The following NRXN3 variants were observed in gnomAD, a reference collection of about 807,000 sequenced individuals.
NRXN3 encodes the protein neurexin 3, also known as neurexin III.
NRXN3 carries 32 observed loss-of-function variants against 137.6 expected under a neutral mutation model. The observed-to-expected ratio is 0.23, with a 90% confidence interval of 0.18 to 0.31. The LOEUF (loss-of-function observed/expected upper bound fraction) is 0.31. Among genes scored for constraint, NRXN3 ranks in the 10% least tolerant of loss-of-function variants. NRXN3 has a pLI of 1.00. For synonymous variants in NRXN3, 798 were observed against 784.5 expected, an observed-to-expected ratio of 1.02 and a Z score of -0.29; for missense variants, 1,574 against 2,062.5, an observed-to-expected ratio of 0.76 and a Z score of 4.59.
At chr14:79,323,970 A>T (rs1394025976) in intron 15 of NRXN3, among the ~76,000 whole-genome samples, 1 of 152,250 alleles carries the variant, frequency 6.6e-6, no homozygotes, top group African/African-American at 2.4e-5. Flanking sequence ...TCAACAGTAA[A>T]TACCTATATT....
At chr14:79,686,920 A>C (rs1017362232) in intron 17 of NRXN3, among the ~76,000 whole-genome samples, 10 of 152,176 alleles carry the variant, frequency 6.6e-5, no homozygotes, top group Non-Finnish European at 1.5e-4. Flanking sequence ...GGTGATTTGC[A>C]CTTCTTTCCA....
At chr14:79,101,487 T>G (rs1220414112) in intron 15 of NRXN3, among the ~76,000 whole-genome samples, 2 of 152,156 alleles carry the variant, frequency 1.3e-5, no homozygotes, top group African/African-American at 4.8e-5. Flanking sequence ...TGGAGACATA[T>G]TTTCTGTGGG....
intron 16 of NRXN3, among the ~76,000 whole-genome samples, chr14:79,505,215 CA>C (rs111560292): frequency 0.04 from 3,747 of 93,112 alleles, 167 homozygotes; most frequent in East Asian, 0.25. Flanking sequence ...AACTCCATCT[CA>C]AAAAAAAAAA....
chr14:78,821,985 T>A (rs1261526059), intron 10 of NRXN3, among the ~76,000 whole-genome samples: 1 of 152,170 alleles, frequency 6.6e-6, no homozygotes, highest in Non-Finnish European at 1.5e-5. Flanking sequence ...TGACTTTGTT[T>A]ATCCATCCTC....
At chr14:79,103,468 GT>G (rs1163939834) in intron 15 of NRXN3, among the ~76,000 whole-genome samples, 2 of 152,002 alleles carry the variant, frequency 1.3e-5, no homozygotes, top group Non-Finnish European at 2.9e-5. Flanking sequence ...TAATGAGTTC[GT>G]TTTTAGCTTC....
chr14:78,191,758 C>A (rs1006491020), intron 1 of NRXN3, among the ~76,000 whole-genome samples: 6 of 152,188 alleles, frequency 3.9e-5, no homozygotes, highest in African/African-American at 1.4e-4. Flanking sequence ...GGGAACCAAG[C>A]AGACCCCTAG....
Position 78,726,975 on chromosome 14 carries a change from A to AC in NRXN3, c.2044+11836_2044+11837insC, listed in dbSNP as rs1350384465. Among the ~76,000 whole-genome samples, 244 of 152,010 alleles carry AC rather than the reference A, an allele frequency of 1.6e-3. 1 individual carries two copies. Among genetic ancestry groups the AC allele is most frequent in the African/African-American group, 5.5e-3 (230 of 41,526 alleles). ...TTTATTCACTAAAAAAAAAAAAAAA[A>AC]AAACCTTCACTAGGTGCTTATCATG... On this transcript the variant is annotated intron_variant, in intron 8 of 20. Coordinates refer to ENST00000335750, the MANE Select transcript of NRXN3 (RefSeq NM_001330195.2).
At chr14:78,514,287 G>A (rs1381299320) in intron 4 of NRXN3, among the ~76,000 whole-genome samples, 1 of 152,102 alleles carries the variant, frequency 6.6e-6, no homozygotes, top group Non-Finnish European at 1.5e-5. Context: ...GAAAGAAAAA[G>A]ACACTTTGGG....
At chr14:78,836,352 AG>A (rs1278932861) in intron 10 of NRXN3, among the ~76,000 whole-genome samples, 1 of 152,232 alleles carries the variant, frequency 6.6e-6, no homozygotes, top group East Asian at 1.9e-4. Flanking sequence ...GTTATTCAAA[AG>A]GTTTTCACCT....
intron 10 of NRXN3, among the ~76,000 whole-genome samples, chr14:78,900,138 T>C (rs887338389): frequency 2.0e-5 from 3 of 152,028 alleles, no homozygotes; most frequent in African/African-American, 7.2e-5. Context: ...CCCATTTCCA[T>C]TTTTAGTTCT....
chr14:78,246,153 G>T (rs1234558957), intron 2 of NRXN3, among the ~76,000 whole-genome samples: 3 of 152,158 alleles, frequency 2.0e-5, no homozygotes, highest in South Asian at 4.1e-4. Flanking sequence ...ATCCCTGATT[G>T]CATTTTTGTG....
At chr14:78,308,115 G>T (rs577524507) in intron 4 of NRXN3, among the ~76,000 whole-genome samples, 1 of 151,772 alleles carries the variant, frequency 6.6e-6, no homozygotes, top group East Asian at 1.9e-4. Context: ...TGAATATAGA[G>T]AATTTAAAAA....
chr14:79,427,685 G>A (rs555625479), intron 15 of NRXN3, among the ~76,000 whole-genome samples: 68 of 151,932 alleles, frequency 4.5e-4, no homozygotes, highest in African/African-American at 1.5e-3. Context: ...TACAAAAATT[G>A]GTCGGGAGTG....
At chr14:79,145,498 T>C (rs1420399124) in intron 15 of NRXN3, among the ~76,000 whole-genome samples, 1 of 152,130 alleles carries the variant, frequency 6.6e-6, no homozygotes, top group African/African-American at 2.4e-5. Flanking sequence ...TCCTATGAAG[T>C]ACTGTGGAGA....
intron 16 of NRXN3, among the ~76,000 whole-genome samples, chr14:79,542,234 G>C (rs1455486605): frequency 1.3e-5 from 2 of 152,194 alleles, no homozygotes; most frequent in African/African-American, 4.8e-5. Context: ...CTAGCCATGA[G>C]TGCCAGGTTA....
At position 79,399,900 on chromosome 14, in the gene NRXN3, C is replaced by T. The variant is rs1396523350; in HGVS notation, c.3263-67321C>T. The stretch of plus-strand genomic sequence containing the variant: ...CTTGCCTTTTCCTAGCTTCTGGTGG[C>T]GGCCATCAATTCTGGGCTTTCCTTG... On this transcript the variant is annotated intron_variant, in intron 15 of 20. Coordinates refer to ENST00000335750, the MANE Select transcript of NRXN3 (RefSeq NM_001330195.2). Among the ~76,000 whole-genome samples, 9 of 152,090 alleles carry T rather than the reference C, an allele frequency of 5.9e-5. No homozygotes were observed. In the South Asian group the frequency reaches 6.2e-4, roughly 11 times the overall value.
At chr14:78,255,725 G>A (rs768197299) in intron 2 of NRXN3, among the ~76,000 whole-genome samples, 3 of 152,172 alleles carry the variant, frequency 2.0e-5, no homozygotes, top group Non-Finnish European at 4.4e-5. Context: ...TAAATGTCAC[G>A]TCTCTGACAA....
intron 15 of NRXN3, among the ~76,000 whole-genome samples, chr14:79,323,208 A>G (rs1386925157): frequency 6.6e-6 from 1 of 152,004 alleles, no homozygotes; most frequent in Non-Finnish European, 1.5e-5. Flanking sequence ...TAATTTTTTT[A>G]TATATTTATT....
rs576511502 is a variant in NRXN3 at position 78,328,466 on chromosome 14, A to C, written c.757+30606A>C. Among the ~76,000 whole-genome samples the C allele has an allele frequency of 1.6e-4, 24 of 152,218 alleles. No individual in the cohort carries two copies. In the East Asian group the frequency reaches 4.4e-3, roughly 28 times the overall value. ...TTTGACGCAATAGAATTCAATTGAC[A>C]TAATTATTCCATGTAATAGAACTAA... On this transcript the variant is annotated intron_variant, in intron 4 of 20. Coordinates refer to ENST00000335750, the MANE Select transcript of NRXN3 (RefSeq NM_001330195.2).
Sources: allele counts gnomAD v4.1 joint callset (sites outside exome capture counted in the v4.1 genomes callset), GRCh38; gene constraint gnomAD v4.1.1; transcripts MANE v1.5; gene names NCBI Gene and HGNC (gene_info 2026-07-23, HGNC 2026-07-21).